DNAH8: variants seen among roughly 807,000 people sequenced by gnomAD.
The protein encoded by DNAH8 is axonemal beta dynein heavy chain 8.
DNAH8 carries 382 observed loss-of-function variants against 562.1 expected under a neutral mutation model. The observed-to-expected ratio is 0.68, with a 90% CI of 0.63 to 0.74. The LOEUF (loss-of-function observed/expected upper bound fraction) is 0.74, where lower values mean the gene tolerates loss of function less well. Ranked by LOEUF, DNAH8 falls within the 30% of genes least tolerant of loss-of-function variation. The pLI, the probability that DNAH8 is intolerant of heterozygous loss-of-function variation, is 0.00. For synonymous variants in DNAH8, 1,881 were observed against 1,919.4 expected (o/e 0.98, Z 0.52); for missense variants, 5,203 against 5,620.4 (o/e 0.93, Z 2.37).
intron 91 of DNAH8, among the ~76,000 whole-genome samples, chr6:39,020,143 A>T (rs909919271): frequency 6.6e-6 from 1 of 152,182 alleles, no homozygotes; most frequent in Non-Finnish European, 1.5e-5. Flanking sequence ...CAGCCTTGCT[A>T]AGACAGGTAG....
intron 79 of DNAH8, 63 bp from the exon 80 acceptor site, chr6:38,945,404 A>G: frequency 6.5e-7 from 1 of 1,538,232 alleles, no homozygotes; most frequent in African/African-American, 1.4e-5. Context: ...TTATTTGAAA[A>G]GTACATTTCT....
At chr6:39,016,522 G>A (rs1371749165) in intron 91 of DNAH8, among the ~76,000 whole-genome samples, 1 of 148,682 alleles carries the variant, frequency 6.7e-6, no homozygotes, top group Admixed American at 6.8e-5. Flanking sequence ...CTGCATTCCA[G>A]CCTGGGCAAC....
At chr6:38,976,684 A>G (rs1340032314) in intron 85 of DNAH8, among the ~76,000 whole-genome samples, 6 of 152,204 alleles carry the variant, frequency 3.9e-5, no homozygotes, top group African/African-American at 1.4e-4. Context: ...CTCAACTGCT[A>G]TAGGAAGGAA....
At chr6:38,839,812 G>A (rs1774628782) in intron 33 of DNAH8, among the ~76,000 whole-genome samples, 1 of 152,076 alleles carries the variant, frequency 6.6e-6, no homozygotes, top group African/African-American at 2.4e-5. Flanking sequence ...ATAGGCATGT[G>A]CCACCATGCC....
At position 38,870,209 on chromosome 6, in the gene DNAH8, G is replaced by C. The variant is rs116113578; in HGVS notation, c.6829-192G>C. ...AGTTATGGGAGCTACGATTCCAGATGAGATTTGGGTAGGGACACAGCCAAA... is the reference window on the plus strand; with the variant it reads ...AGTTATGGGAGCTACGATTCCAGATCAGATTTGGGTAGGGACACAGCCAAA... On this transcript the variant is annotated intron_variant, in intron 48 of 92. Transcript: ENST00000327475. Among the ~76,000 whole-genome samples the C allele has an allele frequency of 2.6e-5, 4 of 152,318 alleles. No homozygotes were observed. In the East Asian group the frequency reaches 7.7e-4, roughly 29 times the overall value.
chr6:38,949,847 C>G (rs1761739444), intron 81 of DNAH8, among the ~76,000 whole-genome samples: 1 of 152,032 alleles, frequency 6.6e-6, no homozygotes, highest in African/African-American at 2.4e-5. Flanking sequence ...GTGCTTTTAG[C>G]AAAAAGCGTG....
intron 82 of DNAH8, among the ~76,000 whole-genome samples, chr6:38,956,436 C>G (rs1762249048): frequency 6.6e-6 from 1 of 152,186 alleles, no homozygotes; most frequent in East Asian, 1.9e-4. Context: ...CTAATTTGTG[C>G]AGAGACCTGC....
At chr6:38,949,269 A>G (rs1340066162) in intron 80 of DNAH8, among the ~76,000 whole-genome samples, 183 bp from the exon 81 acceptor site, 1 of 152,248 alleles carries the variant, frequency 6.6e-6, no homozygotes, top group Admixed American at 6.5e-5. Context: ...GAAGAACTGG[A>G]AGGGAATAGT....
chr6:38,795,908 C>CAGT (rs751962428), intron 21 of DNAH8, among the ~76,000 whole-genome samples: 47 of 149,076 alleles, frequency 3.2e-4, no homozygotes, highest in Non-Finnish European at 5.8e-4. Flanking sequence ...GCAGTCAGGG[C>CAGT]AGTGTTCCTT....
chr6:39,007,999 G>A (rs1007675322), intron 88 of DNAH8, among the ~76,000 whole-genome samples: 1 of 127,586 alleles, frequency 7.8e-6, no homozygotes. Context: ...GGTCAACCCA[G>A]CATCTCAGGG....
At chr6:38,977,958 G>A (rs1437558671) in intron 85 of DNAH8, among the ~76,000 whole-genome samples, 1 of 152,200 alleles carries the variant, frequency 6.6e-6, no homozygotes, top group Admixed American at 6.5e-5. Flanking sequence ...AAACTTCCAA[G>A]TGATCCTGAT....
intron 83 of DNAH8, among the ~76,000 whole-genome samples, chr6:38,972,658 T>C (rs1763422048): frequency 6.6e-6 from 1 of 152,142 alleles, no homozygotes; most frequent in Non-Finnish European, 1.5e-5. Flanking sequence ...ACTTCCATGG[T>C]CTGTTTGTCA....
At chr6:38,820,822 A>G (rs1180206847) in intron 26 of DNAH8, among the ~76,000 whole-genome samples, 10 of 152,238 alleles carry the variant, frequency 6.6e-5, no homozygotes, top group Admixed American at 6.5e-4. Context: ...CTTTCATGAT[A>G]AACATGCTCA....
chr6:38,949,613 A>C, intron 81 of DNAH8, 43 bp downstream of exon 81: 1 of 1,152,004 alleles, frequency 8.7e-7, no homozygotes, highest in Non-Finnish European at 1.3e-6. Context: ...CACTCATAAT[A>C]TTGCTAAATT....
Position 38,875,526 on chromosome 6 carries a change from T to G in DNAH8, c.7621-65T>G, listed in dbSNP as rs1169207307. On this transcript the variant is annotated intron_variant, in intron 52 of 92. Transcript: ENST00000327475. ...TTCCTTCCTCCTTTTAATTTTACTA[T>G]TATTTACAATTTTTTATTTTCAAAA... is the stretch of plus-strand genomic sequence containing the variant. 3 of 966,692 alleles carry G rather than the reference T, an allele frequency of 3.1e-6. No homozygotes were observed. The East Asian group carries it at 8.3e-5, about 27-fold the overall frequency. 59.9% of individuals were successfully genotyped at this position (966,692 alleles called of 1,614,324 possible).
At chr6:38,872,829 T>C (rs761699442) in intron 50 of DNAH8, 47 bp downstream of exon 50, 3 of 1,608,656 alleles carry the variant, frequency 1.9e-6, no homozygotes, top group Admixed American at 1.7e-5. Flanking sequence ...GCTAGCGTAT[T>C]AACACAGTAT....
At chr6:38,940,116 G>A (rs759623685) in intron 79 of DNAH8, among the ~76,000 whole-genome samples, 3 of 152,128 alleles carry the variant, frequency 2.0e-5, no homozygotes, top group Non-Finnish European at 4.4e-5. Context: ...TGATCATTAT[G>A]GTCATTTAGG....
rs982320176 is a variant in DNAH8, at chr6:38,918,122, A to G, written c.10506A>G (p.Arg3502=). The part of the protein sequence containing the change: ...LAMAIFYGIN[R]EVLPLKANLA... ...TGGCAATATTTTATGGCATCAATAG[A>G]GAAGTGTTGCCTCTGAAGGTAAAAG... The change falls in exon 70 of 93, where the codon AGA becomes AGG. Residue 3502 remains arginine, a synonymous_variant. Transcript: ENST00000327475. The G allele has an allele frequency of 1.2e-6, 2 of 1,610,220 alleles. No homozygotes were observed. Among genetic ancestry groups the G allele is most frequent in the Non-Finnish European group, 8.5e-7 (1 of 1,178,002 alleles).
chr6:39,024,037 C>T (rs1767113610), intron 91 of DNAH8, among the ~76,000 whole-genome samples: 1 of 152,178 alleles, frequency 6.6e-6, no homozygotes, highest in Non-Finnish European at 1.5e-5. Flanking sequence ...TCCTTATTTT[C>T]ACTAGAGTTT....
Sources: gnomAD v4.1 joint callset for allele counts (sites outside exome capture counted in the v4.1 genomes callset) on GRCh38, gnomAD v4.1.1 for gene constraint, MANE v1.5 for transcripts, NCBI Gene and HGNC (gene_info 2026-07-23, HGNC 2026-07-21) for gene names.